The following PIK3C2G variants were observed in gnomAD, a reference collection of about 807,000 sequenced individuals.
PIK3C2G encodes phosphatidylinositol 3-kinase C2 domain-containing subunit gamma.
In PIK3C2G, 168 loss-of-function variants were observed where a neutral mutation model predicts 181.1. The ratio of observed to expected loss-of-function variants is 0.93; its 90% CI spans 0.82 to 1.05. The LOEUF (loss-of-function observed/expected upper bound fraction) is 1.05. Among genes scored for constraint, PIK3C2G ranks in the 50% least tolerant of loss-of-function variants. The pLI is 0.00. For synonymous variants in PIK3C2G, 573 were observed against 592.2 expected (o/e 0.97, Z 0.47); for missense variants, 1,869 against 1,732.8 (o/e 1.08, Z -1.40).
At chr12:18,442,948 T>A (rs1457151116) in intron 18 of PIK3C2G, among the ~76,000 whole-genome samples, 1 of 152,018 alleles carries the variant, frequency 6.6e-6, no homozygotes, top group Non-Finnish European at 1.5e-5. Context: ...CTCGGCTCAC[T>A]GCAAACTCCA....
chr12:18,351,174 GTACTTT>G (rs944613374), intron 11 of PIK3C2G, among the ~76,000 whole-genome samples: 11 of 151,826 alleles, frequency 7.2e-5, no homozygotes, highest in African/African-American at 2.7e-4. Context: ...ATTTAAGTAT[GTACTTT>G]TAATTTTATT....
chr12:18,361,531 C>T (rs1242568801), intron 11 of PIK3C2G, among the ~76,000 whole-genome samples: 3 of 143,052 alleles, frequency 2.1e-5, no homozygotes, highest in African/African-American at 7.8e-5. Flanking sequence ...TGGCTTCCCA[C>T]TGAAAAAAAA....
At chr12:18,562,918 C>G (rs1249317548) in intron 27 of PIK3C2G, 26 bp downstream of exon 27, 1 of 1,481,138 alleles carries the variant, frequency 6.8e-7, no homozygotes, top group Admixed American at 1.9e-5. Context: ...GTCATCTTGA[C>G]TTACGTATCA....
intron 8 of PIK3C2G, among the ~76,000 whole-genome samples, chr12:18,337,606 C>T (rs894468159): frequency 1.3e-5 from 2 of 152,072 alleles, no homozygotes; most frequent in African/African-American, 2.4e-5. Flanking sequence ...AGGTGTCTCA[C>T]GTGGCGAGAG....
chr12:18,636,161 A>AGTGAAG (rs1417485123), intron 31 of PIK3C2G, among the ~76,000 whole-genome samples: 2 of 152,202 alleles, frequency 1.3e-5, no homozygotes, highest in Admixed American at 1.3e-4. Context: ...GAGGTAGGAC[A>AGTGAAG]GTGAAGGTGA....
At chr12:18,467,614 C>T (rs1423383459) in intron 18 of PIK3C2G, among the ~76,000 whole-genome samples, 1 of 151,840 alleles carries the variant, frequency 6.6e-6, no homozygotes. Flanking sequence ...TTTGGTCCTT[C>T]CCTGGGAATC....
At chr12:18,687,133 T>C in the PIK3C2G span, among the ~76,000 whole-genome samples, 1 of 152,092 alleles carries the variant, frequency 6.6e-6, no homozygotes, top group Admixed American at 6.6e-5. Flanking sequence ...TCAATATCCC[T>C]TCCCATTGAT....
At chr12:18,510,653 G>A (rs781741695) in intron 24 of PIK3C2G, among the ~76,000 whole-genome samples, 8 of 152,244 alleles carry the variant, frequency 5.3e-5, no homozygotes, top group Non-Finnish European at 1.2e-4. Flanking sequence ...AATATGACCA[G>A]TGTTTAAGGT....
At chr12:18,293,130 G>C (rs1272105941) in intron 4 of PIK3C2G, among the ~76,000 whole-genome samples, 1 of 152,058 alleles carries the variant, frequency 6.6e-6, no homozygotes, top group East Asian at 1.9e-4. Context: ...TTATATCCCA[G>C]AGTGAATATA....
At chr12:18,318,897 C>A (rs754956287) in intron 6 of PIK3C2G, among the ~76,000 whole-genome samples, 7 of 151,402 alleles carry the variant, frequency 4.6e-5, no homozygotes, top group Non-Finnish European at 8.8e-5. Context: ...AAGTTTGAGA[C>A]CAGCCTGGCC....
chr12:18,399,496 G>A (rs978396805), intron 15 of PIK3C2G, among the ~76,000 whole-genome samples, 163 bp from the exon 16 acceptor site: 1 of 151,848 alleles, frequency 6.6e-6, no homozygotes, highest in Non-Finnish European at 1.5e-5. Context: ...ATAAACTGAT[G>A]AAATAACCTA....
intron 30 of PIK3C2G, 28 bp downstream of exon 30, chr12:18,594,597 A>G (rs2136494023): frequency 8.9e-7 from 1 of 1,120,802 alleles, no homozygotes; most frequent in East Asian, 2.8e-5. Context: ...TATATTACGT[A>G]CAGTGATTTT....
chr12:18,275,675 C>T (rs529216918), intron 1 of PIK3C2G, among the ~76,000 whole-genome samples: 1 of 152,320 alleles, frequency 6.6e-6, no homozygotes, highest in East Asian at 1.9e-4. Flanking sequence ...GCCACCATGC[C>T]TGGCCTATCT....
the PIK3C2G span, among the ~76,000 whole-genome samples, chr12:18,691,725 G>C: frequency 4.6e-5 from 7 of 152,164 alleles, no homozygotes; most frequent in Admixed American, 2.0e-4. Flanking sequence ...GAAGTCAGTA[G>C]TTAATTCTTT....
At chr12:18,284,455 CATAAA>C (rs892863306) in intron 2 of PIK3C2G, among the ~76,000 whole-genome samples, 1 of 151,924 alleles carries the variant, frequency 6.6e-6, no homozygotes, top group Non-Finnish European at 1.5e-5. Context: ...CAAAATTCAA[CATAAA>C]ATAAAAATGC....
chr12:18,489,311 C>T (rs1479458620), intron 19 of PIK3C2G, among the ~76,000 whole-genome samples: 1 of 152,072 alleles, frequency 6.6e-6, no homozygotes, highest in Non-Finnish European at 1.5e-5. Context: ...TAATAATTAA[C>T]TACCTACTAT....
At chr12:18,390,151 C>T (rs1162214035) in intron 14 of PIK3C2G, among the ~76,000 whole-genome samples, 1 of 152,082 alleles carries the variant, frequency 6.6e-6, no homozygotes, top group East Asian at 1.9e-4. Flanking sequence ...AAAAACAAAA[C>T]TTATAACAAA....
chr12:18,290,473 T>C (rs1274144385), intron 3 of PIK3C2G, among the ~76,000 whole-genome samples: 2 of 152,186 alleles, frequency 1.3e-5, no homozygotes, highest in East Asian at 3.8e-4. Flanking sequence ...ACTCGCAGCT[T>C]GACAAAATTA....
chr12:18,631,951 A>T (rs1949369425), intron 31 of PIK3C2G, among the ~76,000 whole-genome samples: 1 of 152,210 alleles, frequency 6.6e-6, no homozygotes, highest in African/African-American at 2.4e-5. Context: ...TTTGGGAGTC[A>T]TCTACATCAG....
Sources: gnomAD v4.1 joint callset for allele counts (sites outside exome capture counted in the v4.1 genomes callset) on GRCh38, gnomAD v4.1.1 for gene constraint, MANE v1.5 for transcripts, NCBI Gene and HGNC (gene_info 2026-07-23, HGNC 2026-07-21) for gene names.